Variants in GLB1 observed in about 807,000 individuals in gnomAD.
GLB1 encodes beta-galactosidase.
Under a neutral mutation model 74.0 loss-of-function variants are expected in GLB1, and 56 were observed. That is an observed-to-expected ratio of 0.76 (90% CI 0.61 to 0.94). The LOEUF (loss-of-function observed/expected upper bound fraction) is 0.94, where lower values mean the gene tolerates loss of function less well. Among genes scored for constraint, GLB1 ranks in the 40% least tolerant of loss-of-function variants. The probability of loss-of-function intolerance (pLI) is 0.00; values close to 1 mark genes in which losing one functional copy is unlikely to be tolerated. For synonymous variants in GLB1, 323 were observed against 323.6 expected, an observed-to-expected ratio of 1.00 and a Z score of 0.02; for missense variants, 787 against 845.5, an observed-to-expected ratio of 0.93 and a Z score of 0.86.
rs1374582666 is a variant in GLB1, at chr3:32,997,120, G to A, written c.1959C>T (p.Pro653=). The change falls in exon 16 of 16, where the codon CCC becomes CCT. Residue 653 remains proline, a synonymous_variant. Transcript: ENST00000307363. ...TGAGTCTTTTTTCAACAGGTTTGGA[G>A]GGATGATCGTAGGTCACAGATGAGC... is the stretch of plus-strand genomic sequence containing the variant. ...VIGSSVTYDH[P]SKPVEKRLMP... 6 of 1,614,046 alleles carry A rather than the reference G, an allele frequency of 3.7e-6. No individual in the cohort carries two copies. The Admixed American group carries it at 5.0e-5, about 13-fold the overall frequency.
chr3:33,010,379 T>C (rs1240706480), intron 15 of GLB1, among the ~76,000 whole-genome samples: 4 of 152,238 alleles, frequency 2.6e-5, no homozygotes, highest in Non-Finnish European at 5.9e-5. Flanking sequence ...TAGTTTATAA[T>C]AGACATTTTA....
intron 10 of GLB1, among the ~76,000 whole-genome samples, chr3:33,041,032 G>A (rs1349431125): frequency 6.6e-6 from 1 of 152,136 alleles, no homozygotes; most frequent in African/African-American, 2.4e-5. Flanking sequence ...AAGAGATTAC[G>A]AGCTGTGAAG....
At chr3:32,995,636 A>G (rs973916066), downstream of GLB1, among the ~76,000 whole-genome samples, 14 of 152,058 alleles carry the variant, frequency 9.2e-5, no homozygotes, top group African/African-American at 3.4e-4. Flanking sequence ...CCAAGAAAAC[A>G]TTACAGATTG....
At chr3:33,043,812 A>AAGC (rs1698625184) in intron 10 of GLB1, among the ~76,000 whole-genome samples, 1 of 150,858 alleles carries the variant, frequency 6.6e-6, no homozygotes, top group Admixed American at 6.6e-5. Context: ...GTATGCAGGT[A>AAGC]AATGGTGTTA....
chr3:32,975,030 G>A, the GLB1 span, among the ~76,000 whole-genome samples: 1 of 152,128 alleles, frequency 6.6e-6, no homozygotes, highest in East Asian at 1.9e-4. Flanking sequence ...GGAGGTTTTG[G>A]AGCATGAATT....
At chr3:33,074,378 AAGGAAGGAAGG>A (rs1700020305) in intron 1 of GLB1, among the ~76,000 whole-genome samples, 1 of 129,026 alleles carries the variant, frequency 7.8e-6, no homozygotes, top group African/African-American at 2.7e-5. Flanking sequence ...GGAAGGAAGG[AAGGAAGGAAGG>A]AAGAAAGAAA....
At chr3:33,092,741 C>G (rs911699153) in intron 1 of GLB1, 1 of 1,504,584 alleles carries the variant, frequency 6.6e-7, no homozygotes, top group African/African-American at 1.4e-5. Context: ...GATGAGTGGG[C>G]AAGGCTGGAG....
At chr3:32,973,357 G>C in the GLB1 span, among the ~76,000 whole-genome samples, 2 of 151,614 alleles carry the variant, frequency 1.3e-5, no homozygotes, top group Non-Finnish European at 2.9e-5. Context: ...TTTTTGAGAA[G>C]GAGTCTCACT....
At position 33,088,220 on chromosome 3, in the gene GLB1, T is replaced by C. The variant is rs1381193749; in HGVS notation, c.75+8791A>G. 3.3e-5 allele frequency among the ~76,000 whole-genome samples: 5 copies of C among 152,274 alleles called. No homozygotes were observed. In the East Asian group the frequency reaches 9.6e-4, roughly 29 times the overall value. On this transcript the variant is annotated intron_variant, in intron 1 of 15. Coordinates refer to ENST00000307363, the MANE Select transcript of GLB1 (RefSeq NM_000404.4). ...GATCAGGAAAAAGGCAAGATGTCTG[T>C]TTTTGCCACTTCTACTCAACATAGT...
chr3:33,062,123 T>C (rs995976816), intron 5 of GLB1, among the ~76,000 whole-genome samples: 1 of 152,200 alleles, frequency 6.6e-6, no homozygotes, highest in Non-Finnish European at 1.5e-5. Flanking sequence ...TTTTCTACCC[T>C]TCAACATGAA....
chr3:33,068,021 GA>G (rs1699754544), intron 4 of GLB1, among the ~76,000 whole-genome samples: 2 of 152,050 alleles, frequency 1.3e-5, no homozygotes, highest in Non-Finnish European at 2.9e-5. Flanking sequence ...GAGTAGCTGG[GA>G]TTACAGGCGC....
chr3:33,016,467 C>T (rs770656643), intron 14 of GLB1, among the ~76,000 whole-genome samples: 1 of 152,184 alleles, frequency 6.6e-6, no homozygotes, highest in Non-Finnish European at 1.5e-5. Flanking sequence ...AGCAATTCTC[C>T]TGCCTCAGCC....
intron 5 of GLB1, 92 bp from the exon 6 acceptor site, chr3:33,058,361 G>A: frequency 6.4e-7 from 1 of 1,557,570 alleles, no homozygotes; most frequent in South Asian, 1.2e-5. Context: ...CTGAGCATCT[G>A]CTAAGATGAC....
intron 5 of GLB1, among the ~76,000 whole-genome samples, chr3:33,060,151 G>A (rs1301684866): frequency 1.3e-5 from 2 of 152,170 alleles, no homozygotes; most frequent in Admixed American, 6.5e-5. Flanking sequence ...GTCGTTATCT[G>A]CACAGTCCTG....
At position 32,996,935 on chromosome 3, in the gene GLB1, C is replaced by T; in HGVS notation, c.*110G>A. Reference sequence around the variant, plus strand: ...GGAAACCTCAGGTGAAAATGCACATCCTAAATTCCTTTTCCATTTCCACAT... The same window carrying T: ...GGAAACCTCAGGTGAAAATGCACATTCTAAATTCCTTTTCCATTTCCACAT... On this transcript the variant is annotated 3_prime_UTR_variant, in exon 16 of 16. Transcript: ENST00000307363. The T allele has an allele frequency of 6.3e-7, 1 of 1,598,844 alleles. No individual in the cohort carries two copies. Among genetic ancestry groups the T allele is most frequent in the Non-Finnish European group, 8.5e-7 (1 of 1,171,196 alleles).
intron 5 of GLB1, among the ~76,000 whole-genome samples, chr3:33,063,812 G>C (rs1367462809): frequency 6.6e-6 from 1 of 152,136 alleles, no homozygotes; most frequent in Non-Finnish European, 1.5e-5. Flanking sequence ...ACAGACACAA[G>C]ATGGTAAAAA....
At chr3:33,035,391 C>T (rs1037234040) in intron 10 of GLB1, among the ~76,000 whole-genome samples, 1 of 151,886 alleles carries the variant, frequency 6.6e-6, no homozygotes, top group African/African-American at 2.4e-5. Context: ...ATGATTGCAC[C>T]ACTGCACTCC....
At chr3:32,986,691 C>T in the GLB1 span, among the ~76,000 whole-genome samples, 4,393 of 151,532 alleles carry the variant, frequency 0.029, 205 homozygotes, top group African/African-American at 0.097. Context: ...CCCGGGTTCA[C>T]GTGACACTCC....
intron 6 of GLB1, among the ~76,000 whole-genome samples, chr3:33,057,370 G>A (rs1559404191): frequency 6.6e-6 from 1 of 152,202 alleles, no homozygotes; most frequent in Non-Finnish European, 1.5e-5. Flanking sequence ...ATTTAGGGCA[G>A]TGCAAGAATG....
Sources: gnomAD v4.1 joint callset for allele counts (sites outside exome capture counted in the v4.1 genomes callset) on GRCh38, gnomAD v4.1.1 for gene constraint, MANE v1.5 for transcripts, NCBI Gene and HGNC (gene_info 2026-07-23, HGNC 2026-07-21) for gene names.